Variants in STARD13 observed in about 807,000 individuals in gnomAD.
STARD13 encodes the protein StAR related lipid transfer domain containing 13.
Under a neutral mutation model 106.4 loss-of-function variants are expected in STARD13, and 62 were observed. The ratio of observed to expected loss-of-function variants is 0.58; its 90% CI spans 0.48 to 0.72. STARD13 has a LOEUF of 0.72. STARD13 is among the 30% of genes least tolerant of loss of function. The pLI is 0.00. For synonymous variants in STARD13, 565 were observed against 553.0 expected, an observed-to-expected ratio of 1.02 and a Z score of -0.31; for missense variants, 1,387 against 1,424.0, an observed-to-expected ratio of 0.97 and a Z score of 0.42.
the STARD13 span, among the ~76,000 whole-genome samples, chr13:33,467,125 A>G: frequency 6.6e-6 from 1 of 152,088 alleles, no homozygotes; most frequent in Non-Finnish European, 1.5e-5. Flanking sequence ...ACATCCTAAT[A>G]ATAGGATGTA....
intron 4 of STARD13, among the ~76,000 whole-genome samples, chr13:33,133,173 A>G (rs1054815596): frequency 2.6e-5 from 4 of 152,214 alleles, no homozygotes; most frequent in African/African-American, 4.8e-5. Flanking sequence ...TGATGCCAGC[A>G]CACCACATAC....
chr13:33,528,226 GTA>G, the STARD13 span, among the ~76,000 whole-genome samples: 156 of 100,952 alleles, frequency 1.5e-3, 2 homozygotes, highest in South Asian at 2.4e-3. Context: ...GTGTGTGTGT[GTA>G]TATATATATA....
Position 33,118,226 on chromosome 13 carries a change from A to G in STARD13, c.2120T>C (p.Ile707Thr), listed in dbSNP as rs768338101. Reference protein sequence around the residue: ...LFRKSGVKSRIHALRQMNENF... With the variant: ...LFRKSGVKSRTHALRQMNENF... ...TTCATTCATTTGGCGAAGGGCATGGATTCGAGACTTCACTCCTGATTTGCG... is the reference window on the plus strand; with the variant it reads ...TTCATTCATTTGGCGAAGGGCATGGGTTCGAGACTTCACTCCTGATTTGCG... The change falls in exon 8 of 14, where the codon ATC becomes ACC. Residue 707 changes from isoleucine (I) to threonine (T), a missense_variant. By Grantham distance (89) the Ile-to-Thr change is moderately conservative. Transcript: ENST00000336934. 6.2e-6 allele frequency: 10 copies of G among 1,614,228 alleles called. No individual in the cohort carries two copies. In the South Asian group the frequency reaches 8.8e-5, roughly 14 times the overall value.
intron 1 of STARD13, among the ~76,000 whole-genome samples, chr13:33,236,286 G>A (rs916158642): frequency 2.6e-5 from 4 of 152,154 alleles, no homozygotes; most frequent in African/African-American, 9.7e-5. Flanking sequence ...AATCTGATTT[G>A]CATTCTCTTC....
chr13:33,350,161 T>A, intron 1 of STARD13: 1 of 1,252,544 alleles, frequency 8.0e-7, no homozygotes, highest in Non-Finnish European at 1.0e-6. Context: ...CGCAGCCCGC[T>A]CGCCCCGGCC....
chr13:33,163,623 TAA>T (rs1413369203), intron 3 of STARD13, among the ~76,000 whole-genome samples: 1 of 118,590 alleles, frequency 8.4e-6, no homozygotes, highest in Admixed American at 8.7e-5. Flanking sequence ...TATATATATA[TAA>T]AACATATATA....
intron 1 of STARD13, among the ~76,000 whole-genome samples, chr13:33,216,248 A>C (rs534558608): frequency 1.2e-4 from 18 of 152,328 alleles, no homozygotes; most frequent in Admixed American, 9.8e-4. Flanking sequence ...CATTATACGA[A>C]AAAGATACTT....
chr13:33,215,763 C>A (rs928515274), intron 1 of STARD13, among the ~76,000 whole-genome samples: 2 of 152,004 alleles, frequency 1.3e-5, no homozygotes, highest in East Asian at 3.9e-4. Context: ...TTTTTGTGAT[C>A]AAAAATATGG....
At chr13:33,364,650 G>A in the STARD13 span, among the ~76,000 whole-genome samples, 1 of 152,236 alleles carries the variant, frequency 6.6e-6, no homozygotes, top group Non-Finnish European at 1.5e-5. Flanking sequence ...AGCTCTTTGG[G>A]AGGCCGAGGC....
chr13:33,242,386 T>A (rs970256893), intron 1 of STARD13, among the ~76,000 whole-genome samples: 7 of 152,218 alleles, frequency 4.6e-5, no homozygotes, highest in African/African-American at 1.7e-4. Flanking sequence ...CATAGGAGAC[T>A]CCATTTTGTT....
intron 1 of STARD13, among the ~76,000 whole-genome samples, chr13:33,228,535 G>A (rs1182775360): frequency 6.6e-6 from 1 of 152,102 alleles, no homozygotes; most frequent in African/African-American, 2.4e-5. Flanking sequence ...GACAACAGGC[G>A]ACAGTGGACA....
At chr13:33,645,866 A>T in the STARD13 span, among the ~76,000 whole-genome samples, 1,297 of 152,276 alleles carry the variant, frequency 8.5e-3, 16 homozygotes, top group African/African-American at 0.03. Flanking sequence ...CTTATTTGCA[A>T]GTATCAGCAG....
exon 2 of STARD13, chr13:33,349,022 A>G (rs2078044160): frequency 6.0e-6 from 4 of 663,736 alleles, no homozygotes; most frequent in Admixed American, 4.2e-5. Context: ...ATGTGGGTGC[A>G]TGGGTTTAAG....
intron 4 of STARD13, among the ~76,000 whole-genome samples, chr13:33,135,985 G>C (rs988098950): frequency 6.6e-6 from 1 of 152,116 alleles, no homozygotes; most frequent in Middle Eastern, 3.2e-3. Flanking sequence ...AGCCTGGTAT[G>C]GTGGTGCATG....
the STARD13 span, among the ~76,000 whole-genome samples, chr13:33,481,639 AG>A: frequency 3.3e-4 from 50 of 152,296 alleles, no homozygotes; most frequent in African/African-American, 1.0e-3. Context: ...ATGTGAGAGA[AG>A]GAGGGGTAGG....
At chr13:33,181,791 C>T (rs529959920) in intron 1 of STARD13, among the ~76,000 whole-genome samples, 1 of 152,298 alleles carries the variant, frequency 6.6e-6, no homozygotes, top group East Asian at 1.9e-4. Flanking sequence ...CTGGCACTGA[C>T]TAGGATTGTT....
chr13:33,283,762 G>A (rs1041104541), intron 1 of STARD13, among the ~76,000 whole-genome samples: 1 of 152,096 alleles, frequency 6.6e-6, no homozygotes, highest in Non-Finnish European at 1.5e-5. Context: ...TAAACTGAGG[G>A]TGCCCATATG....
chr13:33,275,818 C>T (rs1891398782), intron 1 of STARD13: 1 of 152,242 alleles, frequency 6.6e-6, no homozygotes. Context: ...AACAGAGTAA[C>T]TCCTGGAAGA....
chr13:33,377,226 T>G, the STARD13 span, among the ~76,000 whole-genome samples: 10 of 152,218 alleles, frequency 6.6e-5, no homozygotes, highest in Admixed American at 5.9e-4. Flanking sequence ...CTCACAGGAT[T>G]ACCCTGAGGA....
Sources: gnomAD v4.1 joint callset for allele counts (sites outside exome capture counted in the v4.1 genomes callset) on GRCh38, gnomAD v4.1.1 for gene constraint, MANE v1.5 for transcripts, NCBI Gene and HGNC (gene_info 2026-07-23, HGNC 2026-07-21) for gene names.